DNM3: variants seen among roughly 807,000 people sequenced by gnomAD.
DNM3 encodes dynamin-3.
DNM3 carries 47 observed loss-of-function variants against 101.6 expected under a neutral mutation model. That is an observed-to-expected ratio of 0.46 (90% CI 0.37 to 0.59). The LOEUF is 0.59. Ranked by LOEUF, DNM3 falls within the 20% of genes least tolerant of loss-of-function variation. The pLI is 0.00. For missense variants in DNM3, 849 were observed against 1,085.7 expected, an observed-to-expected ratio of 0.78 and a Z score of 3.06; for synonymous variants, 385 against 387.9, an observed-to-expected ratio of 0.99 and a Z score of 0.09.
chr1:172,093,866 A>G, intron 13 of DNM3: 1 of 685,410 alleles, frequency 1.5e-6, no homozygotes, highest in Non-Finnish European at 2.4e-6. Context: ...GTAACACCCT[A>G]TCATTGAAAT....
At chr1:172,028,661 T>C (rs1026552625) in intron 4 of DNM3, among the ~76,000 whole-genome samples, 1 of 151,950 alleles carries the variant, frequency 6.6e-6, no homozygotes, top group African/African-American at 2.4e-5. Flanking sequence ...AATAGACTGC[T>C]AGCCAGATTA....
intron 1 of DNM3, among the ~76,000 whole-genome samples, chr1:171,921,133 C>T (rs1370638709): frequency 6.9e-6 from 1 of 144,032 alleles, no homozygotes; most frequent in African/African-American, 2.6e-5. Flanking sequence ...TTTTTTGTAG[C>T]GCTGGGTTTT....
At chr1:172,286,400 C>A (rs532183383) in intron 15 of DNM3, among the ~76,000 whole-genome samples, 1 of 152,078 alleles carries the variant, frequency 6.6e-6, no homozygotes, top group Admixed American at 6.6e-5. Flanking sequence ...CATTGCTTTG[C>A]GCTAAATGAA....
intron 14 of DNM3, among the ~76,000 whole-genome samples, chr1:172,237,809 T>C (rs146164300): frequency 1.6e-4 from 25 of 152,300 alleles, no homozygotes; most frequent in African/African-American, 6.0e-4. Context: ...CTTTAGCTGA[T>C]CAACAACATT....
chr1:172,048,955 T>G (rs894910793), intron 10 of DNM3, among the ~76,000 whole-genome samples: 5 of 152,166 alleles, frequency 3.3e-5, no homozygotes, highest in Admixed American at 2.6e-4. Context: ...AATACGGTGG[T>G]TTAGAAAGAG....
At chr1:172,131,791 A>G (rs2056950286) in intron 14 of DNM3, 1 of 397,314 alleles carries the variant, frequency 2.5e-6, no homozygotes, top group Non-Finnish European at 5.0e-6. Flanking sequence ...TTGTTTATAC[A>G]AATTTTGTTC....
At chr1:172,175,759 C>A (rs1005565010) in intron 14 of DNM3, among the ~76,000 whole-genome samples, 1 of 151,812 alleles carries the variant, frequency 6.6e-6, no homozygotes, top group African/African-American at 2.4e-5. Flanking sequence ...TTAGTATGCT[C>A]TCTACCACAC....
intron 17 of DNM3, among the ~76,000 whole-genome samples, chr1:172,372,020 T>G (rs1243233252): frequency 6.8e-6 from 1 of 147,724 alleles, no homozygotes; most frequent in Non-Finnish European, 1.5e-5. Context: ...ACCCACTAAC[T>G]CGTCATCTAG....
rs867917927 is a variant in DNM3 at position 172,255,060 on chromosome 1, C to T, written c.1769+1378C>T. Among the ~76,000 whole-genome samples the T allele has an allele frequency of 4.6e-5, 7 of 152,028 alleles. 1 individual carries two copies. The highest frequency in any genetic ancestry group is 6.3e-3 in the Middle Eastern group (2 of 316). On this transcript the variant is annotated intron_variant, in intron 15 of 20. Coordinates refer to ENST00000627582, the MANE Select transcript of DNM3 (RefSeq NM_015569.5). ...TTAAAATAGCAAAAGAAGACGTCTT[C>T]CTACATTCCCAGTCAGTTGCTCAGA... is the stretch of plus-strand genomic sequence containing the variant.
chr1:172,194,384 G>A (rs534415020), intron 14 of DNM3, among the ~76,000 whole-genome samples: 3 of 152,214 alleles, frequency 2.0e-5, no homozygotes, highest in South Asian at 4.1e-4. Flanking sequence ...GGTCTGCTTG[G>A]TGCAGAGCGG....
chr1:171,916,052 G>A (rs2039684456), intron 1 of DNM3, among the ~76,000 whole-genome samples: 1 of 152,132 alleles, frequency 6.6e-6, no homozygotes, highest in Non-Finnish European at 1.5e-5. Flanking sequence ...CTGCCTACAT[G>A]TTGTTTCAAT....
intron 1 of DNM3, among the ~76,000 whole-genome samples, chr1:171,868,851 T>A (rs1475098297): frequency 6.6e-6 from 1 of 152,138 alleles, no homozygotes; most frequent in Non-Finnish European, 1.5e-5. Context: ...TGGCGCAATC[T>A]TGGCTCACTG....
At chr1:172,209,981 A>G (rs114215971) in intron 14 of DNM3, among the ~76,000 whole-genome samples, 9,981 of 152,188 alleles carry the variant, frequency 0.066, 387 homozygotes, top group Middle Eastern at 0.12. Context: ...ACATAATAAT[A>G]ATATTGTAGC....
At chr1:172,045,758 G>A (rs2049744463) in intron 9 of DNM3, among the ~76,000 whole-genome samples, 1 of 152,194 alleles carries the variant, frequency 6.6e-6, no homozygotes, top group African/African-American at 2.4e-5. Flanking sequence ...TACATAGATT[G>A]CCTCATACGA....
chr1:172,088,688 A>T (rs1432711471), intron 12 of DNM3, among the ~76,000 whole-genome samples: 1 of 152,090 alleles, frequency 6.6e-6, no homozygotes, highest in South Asian at 2.1e-4. Flanking sequence ...GAACGTAGTC[A>T]TTTGTTTTCC....
At chr1:172,219,377 CAAAAAAAAAAAA>C (rs58783160) in intron 14 of DNM3, among the ~76,000 whole-genome samples, 3 of 56,302 alleles carry the variant, frequency 5.3e-5, no homozygotes, top group South Asian at 1.9e-3. Context: ...TACCCTGTCT[CAAAAAAAAAAAA>C]AAAAAAAAAA....
At chr1:172,184,868 C>T (rs2059468515) in intron 14 of DNM3, among the ~76,000 whole-genome samples, 1 of 152,046 alleles carries the variant, frequency 6.6e-6, no homozygotes, top group Non-Finnish European at 1.5e-5. Flanking sequence ...GATTTGATCC[C>T]CTAGTTGGTC....
intron 17 of DNM3, among the ~76,000 whole-genome samples, chr1:172,329,737 A>G (rs1031065635): frequency 6.6e-6 from 1 of 152,212 alleles, no homozygotes; most frequent in African/African-American, 2.4e-5. Context: ...AATTATCCCT[A>G]TTCAGTTTAT....
intron 4 of DNM3, among the ~76,000 whole-genome samples, chr1:172,007,252 C>T (rs2046758814): frequency 1.3e-5 from 2 of 152,066 alleles, no homozygotes; most frequent in Admixed American, 6.6e-5. Flanking sequence ...AATTTTTATT[C>T]CCAAGAGCAA....
Sources: gnomAD v4.1 joint callset for allele counts (sites outside exome capture counted in the v4.1 genomes callset) on GRCh38, gnomAD v4.1.1 for gene constraint, MANE v1.5 for transcripts, NCBI Gene and HGNC (gene_info 2026-07-23, HGNC 2026-07-21) for gene names.